Variants in ZNF91 observed in about 807,000 individuals in gnomAD.
The protein encoded by ZNF91 is zinc finger protein 91 (HPF7, HTF10).
ZNF91 carries 7 observed loss-of-function variants against 12.6 expected under a neutral mutation model. The ratio of observed to expected loss-of-function variants is 0.55; its 90% CI spans 0.31 to 1.04. The LOEUF (loss-of-function observed/expected upper bound fraction) is 1.04. Ranked by LOEUF, ZNF91 falls within the 50% of genes least tolerant of loss-of-function variation. ZNF91 has a pLI of 0.05. For synonymous variants in ZNF91, 453 were observed against 462.6 expected (o/e 0.98, Z 0.27); for missense variants, 1,217 against 1,385.4 (o/e 0.88, Z 1.93).
At chr19:23,384,601 T>G in intron 1 of ZNF91, 3 of 944,654 alleles carry the variant, frequency 3.2e-6, no homozygotes, top group Non-Finnish European at 4.3e-6. Flanking sequence ...AACTGAGACA[T>G]TCTGTCTCCC....
chr19:23,341,029 C>A (rs1404475326), intron 3 of ZNF91, among the ~76,000 whole-genome samples: 2 of 150,646 alleles, frequency 1.3e-5, no homozygotes, highest in Non-Finnish European at 3.0e-5. Flanking sequence ...AAAAAATGCT[C>A]AATCTCAACT....
At chr19:23,351,305 C>CA (rs1324091197) in intron 3 of ZNF91, among the ~76,000 whole-genome samples, 4 of 135,364 alleles carry the variant, frequency 3.0e-5, no homozygotes, top group Non-Finnish European at 6.2e-5. Context: ...GCTGGGGAGA[C>CA]AGAGCAAGAC....
intron 1 of ZNF91, among the ~76,000 whole-genome samples, chr19:23,330,994 T>C (rs904396721): frequency 6.6e-6 from 1 of 152,222 alleles, no homozygotes; most frequent in African/African-American, 2.4e-5. Context: ...GTGACAAGTA[T>C]ATATAAGGCA....
At chr19:23,316,486 G>A (rs1215937908) in intron 1 of ZNF91, among the ~76,000 whole-genome samples, 1 of 152,082 alleles carries the variant, frequency 6.6e-6, no homozygotes, top group Admixed American at 6.5e-5. Flanking sequence ...CACCCTGCAG[G>A]GGTTGTAACG....
chr19:23,378,680 ACAT>A (rs1969592399), intron 1 of ZNF91, among the ~76,000 whole-genome samples: 1 of 152,206 alleles, frequency 6.6e-6, no homozygotes, highest in South Asian at 2.1e-4. Flanking sequence ...TCAGGTGTAG[ACAT>A]CACAAGTCAC....
chr19:23,306,457 T>C (rs755717566), intron 3 of ZNF91, among the ~76,000 whole-genome samples: 3 of 151,916 alleles, frequency 2.0e-5, no homozygotes, highest in Admixed American at 6.6e-5. Flanking sequence ...AGGGGAATTG[T>C]AACGTATCAC....
intron 1 of ZNF91, chr19:23,328,927 C>T (rs1309060896): frequency 6.6e-6 from 1 of 152,104 alleles, no homozygotes; most frequent in Non-Finnish European, 1.5e-5. Context: ...AGGGCATGTT[C>T]CCTACCCTTT....
rs1364964104 is a variant in ZNF91 at position 23,360,562 on chromosome 19, G to A, written c.2417C>T (p.Ala806Val). 6.2e-7 allele frequency: 1 copy of A among 1,613,970 alleles called. No individual in the cohort carries two copies. Among genetic ancestry groups the A allele is most frequent in the South Asian group, 1.1e-5 (1 of 91,074 alleles). ...AGTAAGGGTTGAGGAACGGCTAAAAGCTTTGCCACATTCTTCACATTTGTA... is the reference window on the plus strand; with the variant it reads ...AGTAAGGGTTGAGGAACGGCTAAAAACTTTGCCACATTCTTCACATTTGTA... Reference protein sequence around the residue: ...KPYKCEECGKAFSRSSTLTKH... With the variant: ...KPYKCEECGKVFSRSSTLTKH... The change falls in exon 4 of 4, where the codon GCT becomes GTT. Residue 806 changes from alanine to valine, a missense_variant. Ala to Val is a moderately conservative substitution (Grantham distance 64). Around this residue, in one of 2 missense-constraint regions of ZNF91, gnomAD observed 491 missense variants for 489.8 expected, o/e 1.00. Transcript: ENST00000300619.
At chr19:23,382,819 C>A (rs1392225672) in intron 1 of ZNF91, among the ~76,000 whole-genome samples, 1 of 152,024 alleles carries the variant, frequency 6.6e-6, no homozygotes. Context: ...GAAATCAAAG[C>A]CCTAAACAGA....
intron 3 of ZNF91, among the ~76,000 whole-genome samples, chr19:23,342,765 T>C (rs1289600485): frequency 6.6e-6 from 1 of 152,084 alleles, no homozygotes; most frequent in Admixed American, 6.6e-5. Context: ...ATATTTATTC[T>C]CACCGAGAGA....
Position 23,371,780 on chromosome 19 carries a change from A to G in ZNF91, c.253+1962T>C, listed in dbSNP as rs551286878. Among the ~76,000 whole-genome samples, 4 of 152,350 alleles carry G rather than the reference A, an allele frequency of 2.6e-5. No individual in the cohort carries two copies. In the South Asian group the frequency reaches 8.3e-4, roughly 32 times the overall value. ...CTGGTATCTATTGTATGGCAATAAA[A>G]TCCCAGAGAAAATGTAGTACAATCA... is the stretch of plus-strand genomic sequence containing the variant. On this transcript the variant is annotated intron_variant, in intron 3 of 3. Coordinates refer to ENST00000300619, the MANE Select transcript of ZNF91 (RefSeq NM_003430.4).
chr19:23,339,850 A>G (rs928218384), intron 3 of ZNF91: 1 of 151,986 alleles, frequency 6.6e-6, no homozygotes, highest in African/African-American at 2.4e-5. Flanking sequence ...AGGCTAATAT[A>G]AAACGATCGT....
chr19:23,336,543 G>A (rs1236337328), downstream of ZNF91, among the ~76,000 whole-genome samples: 1 of 152,204 alleles, frequency 6.6e-6, no homozygotes, highest in Non-Finnish European at 1.5e-5. Context: ...GGAAGATGGA[G>A]CCACCATTTT....
chr19:23,318,260 A>G (rs1464243066), intron 1 of ZNF91, among the ~76,000 whole-genome samples: 1 of 152,142 alleles, frequency 6.6e-6, no homozygotes, highest in Non-Finnish European at 1.5e-5. Flanking sequence ...AACTCAGATG[A>G]TATAACTCTC....
chr19:23,323,529 CTCCTTT>C (rs1397705198), intron 1 of ZNF91, among the ~76,000 whole-genome samples: 3 of 146,984 alleles, frequency 2.0e-5, no homozygotes, highest in African/African-American at 7.5e-5. Flanking sequence ...TACTCTTCTC[CTCCTTT>C]TCCTTTTTCT....
intron 1 of ZNF91, among the ~76,000 whole-genome samples, chr19:23,323,264 CT>C (rs1200096021): frequency 6.9e-6 from 1 of 145,426 alleles, no homozygotes; most frequent in Non-Finnish European, 1.5e-5. Flanking sequence ...CCTCCTGTTC[CT>C]TTTCTTCTTT....
At position 23,392,768 on chromosome 19, in the gene ZNF91, C is replaced by T. The variant is rs1970107815; in HGVS notation, c.30+2557G>A. ...GAGCTGAGATCACACCATTGCATAC[C>T]AGCCTGGGCGACAGAGCAAGATTTC... On this transcript the variant is annotated intron_variant, in intron 1 of 3. Coordinates refer to ENST00000300619, the MANE Select transcript of ZNF91 (RefSeq NM_003430.4). 2.0e-5 allele frequency among the ~76,000 whole-genome samples: 3 copies of T among 149,936 alleles called. No homozygotes were observed. In the South Asian group the frequency reaches 6.3e-4, roughly 32 times the overall value.
At chr19:23,323,398 CT>C (rs1418590415) in intron 1 of ZNF91, among the ~76,000 whole-genome samples, 1 of 134,392 alleles carries the variant, frequency 7.4e-6, no homozygotes, top group Non-Finnish European at 1.6e-5. Flanking sequence ...TCTCTTCCCC[CT>C]CCTTTTCTTT....
At chr19:23,347,993 G>C (rs1185786444) in intron 3 of ZNF91, among the ~76,000 whole-genome samples, 4 of 152,084 alleles carry the variant, frequency 2.6e-5, no homozygotes, top group African/African-American at 4.8e-5. Context: ...TCCCAATTTT[G>C]GACTGCCAAC....
Sources: gnomAD v4.1 joint callset for allele counts (sites outside exome capture counted in the v4.1 genomes callset) on GRCh38, gnomAD v4.1.1 for gene constraint, gnomAD v4.1.1 regional missense constraint, MANE v1.5 for transcripts, NCBI Gene and HGNC (gene_info 2026-07-23, HGNC 2026-07-21) for gene names.